Variants in DLG2 observed in about 807,000 individuals in gnomAD.
DLG2 encodes discs large MAGUK scaffold protein 2.
DLG2 carries 45 observed loss-of-function variants against 132.5 expected under a neutral mutation model. The observed-to-expected ratio is 0.34, with a 90% CI of 0.27 to 0.44. The LOEUF (loss-of-function observed/expected upper bound fraction) is 0.44, where lower values mean the gene tolerates loss of function less well. Ranked by LOEUF, DLG2 falls within the 20% of genes least tolerant of loss-of-function variation. DLG2 has a pLI of 1.00. For synonymous variants in DLG2, 424 were observed against 419.6 expected, an observed-to-expected ratio of 1.01 and a Z score of -0.13; for missense variants, 1,045 against 1,196.9, an observed-to-expected ratio of 0.87 and a Z score of 1.87.
chr11:85,260,476 G>C (rs747541642), intron 4 of DLG2, among the ~76,000 whole-genome samples: 2 of 152,128 alleles, frequency 1.3e-5, no homozygotes, highest in Non-Finnish European at 2.9e-5. Flanking sequence ...AAGTTTCAAG[G>C]CTCCATGGTC....
intron 21 of DLG2, among the ~76,000 whole-genome samples, chr11:83,484,641 C>T (rs1365678051): frequency 6.6e-6 from 1 of 152,096 alleles, no homozygotes; most frequent in Non-Finnish European, 1.5e-5. Flanking sequence ...CGTTGTGAGA[C>T]TCACAAAAGA....
chr11:83,741,462 G>T (rs1456849441), intron 18 of DLG2, among the ~76,000 whole-genome samples: 1 of 152,050 alleles, frequency 6.6e-6, no homozygotes, highest in East Asian at 1.9e-4. Context: ...AAAGTTTCAG[G>T]ATACAAAATT....
chr11:85,029,009 C>T (rs1449162679), intron 6 of DLG2, among the ~76,000 whole-genome samples: 1 of 152,164 alleles, frequency 6.6e-6, no homozygotes, highest in Non-Finnish European at 1.5e-5. Context: ...AATATTTATC[C>T]TTTTAACTTA....
intron 7 of DLG2, among the ~76,000 whole-genome samples, chr11:84,273,688 C>T (rs913460884): frequency 2.6e-5 from 4 of 152,074 alleles, no homozygotes; most frequent in African/African-American, 2.4e-5. Flanking sequence ...TGAAGGGAGT[C>T]GGTTATATAC....
At chr11:83,513,155 T>A (rs1028651704) in intron 21 of DLG2, among the ~76,000 whole-genome samples, 4 of 152,232 alleles carry the variant, frequency 2.6e-5, no homozygotes, top group African/African-American at 9.6e-5. Context: ...ACCAGCAGTG[T>A]AAAAGTGTTC....
chr11:83,930,513 G>A, intron 14 of DLG2, 30 bp from the exon 15 acceptor site: 2 of 1,610,198 alleles, frequency 1.2e-6, no homozygotes, highest in Non-Finnish European at 1.7e-6. Flanking sequence ...AGAAAGATAT[G>A]CATGGTTAGT....
chr11:85,489,639 C>T (rs2093512118), intron 3 of DLG2, among the ~76,000 whole-genome samples: 1 of 152,080 alleles, frequency 6.6e-6, no homozygotes, highest in Non-Finnish European at 1.5e-5. Flanking sequence ...TAAGATGAAC[C>T]ATATGTTAGG....
intron 6 of DLG2, among the ~76,000 whole-genome samples, chr11:85,054,122 G>A (rs543252604): frequency 6.6e-6 from 1 of 151,796 alleles, no homozygotes; most frequent in East Asian, 2.0e-4. Context: ...AAATTTAGCT[G>A]GGTGTGCTGG....
chr11:84,536,311 C>A (rs496322), intron 6 of DLG2, among the ~76,000 whole-genome samples: 4 of 151,870 alleles, frequency 2.6e-5, no homozygotes, highest in South Asian at 4.2e-4. Flanking sequence ...AGACCCTATC[C>A]AGATCATTGC....
intron 8 of DLG2, among the ~76,000 whole-genome samples, chr11:84,204,331 AAT>A: frequency 6.6e-6 from 1 of 152,342 alleles, no homozygotes; most frequent in East Asian, 1.9e-4. Flanking sequence ...AAAAAATAGA[AAT>A]AGAGAAATAC....
chr11:84,055,996 ATT>A (rs993934234), intron 11 of DLG2, among the ~76,000 whole-genome samples: 4 of 152,096 alleles, frequency 2.6e-5, no homozygotes, highest in African/African-American at 9.7e-5. Context: ...AGTTGGCTAC[ATT>A]TTTGATGCTT....
chr11:83,458,573 T>C lies in DLG2; in HGVS notation c.*1245A>G, dbSNP rs144977727. On this transcript the variant is annotated 3_prime_UTR_variant, in exon 28 of 28. Transcript: ENST00000376104. ...TTGGCTCTAGTACCATCTCTGGATG[T>C]TACAAAACTCTCAGTTACTCTGTAA... The C allele has an allele frequency of 1.3e-3, 205 of 152,612 alleles. 1 individual carries two copies. The highest frequency in any genetic ancestry group is 2.4e-3 in the Non-Finnish European group (164 of 68,032). 9.5% of individuals were successfully genotyped at this position (152,612 alleles called of 1,614,324 possible).
chr11:83,809,081 A>T lies in DLG2; in HGVS notation c.1723-22289T>A, dbSNP rs551377846. 1.2e-3 allele frequency among the ~76,000 whole-genome samples: 180 copies of T among 151,830 alleles called. 1 individual carries two copies. The highest frequency in any genetic ancestry group is 0.01 in the Middle Eastern group (3 of 292). On this transcript the variant is annotated intron_variant, in intron 17 of 27. Coordinates refer to ENST00000376104, the MANE Select transcript of DLG2 (RefSeq NM_001142699.3). ...CATCCTCTCTTCTCTTCTCTGGTTG[A>T]TTTATCGTGCTTTATTGGGAAGACA...
At chr11:85,378,565 T>G (rs912491438) in intron 3 of DLG2, among the ~76,000 whole-genome samples, 2 of 152,118 alleles carry the variant, frequency 1.3e-5, no homozygotes, top group African/African-American at 4.8e-5. Flanking sequence ...AATATATATA[T>G]AGATAGATGT....
At chr11:83,815,877 G>C (rs893792925) in intron 17 of DLG2, among the ~76,000 whole-genome samples, 1 of 152,118 alleles carries the variant, frequency 6.6e-6, no homozygotes, top group African/African-American at 2.4e-5. Context: ...ATACAAACAA[G>C]TATTCTCTTC....
chr11:84,469,629 A>T (rs2099103495), intron 7 of DLG2, among the ~76,000 whole-genome samples: 1 of 151,628 alleles, frequency 6.6e-6, no homozygotes, highest in Admixed American at 6.6e-5. Context: ...AGATTGCTGT[A>T]GCAAAATGAT....
intron 7 of DLG2, among the ~76,000 whole-genome samples, chr11:84,321,605 T>G (rs1271581434): frequency 6.6e-6 from 1 of 152,092 alleles, no homozygotes; most frequent in Non-Finnish European, 1.5e-5. Flanking sequence ...GATGTTCTTT[T>G]CCCCACTTCA....
At chr11:84,098,044 T>TTTTTTTTTTC (rs2097190620) in intron 10 of DLG2, among the ~76,000 whole-genome samples, 2 of 149,656 alleles carry the variant, frequency 1.3e-5, no homozygotes, top group Non-Finnish European at 3.0e-5. Context: ...CCTTTTTTTT[T>TTTTTTTTTTC]TTTTTTTTCT....
intron 14 of DLG2, among the ~76,000 whole-genome samples, chr11:83,954,107 T>C (rs757496434): frequency 4.6e-5 from 7 of 152,230 alleles, no homozygotes; most frequent in South Asian, 2.1e-4. Flanking sequence ...CATGAGCACA[T>C]AGGAAATGAT....
Sources: gnomAD v4.1 joint callset for allele counts (sites outside exome capture counted in the v4.1 genomes callset) on GRCh38, gnomAD v4.1.1 for gene constraint, MANE v1.5 for transcripts, NCBI Gene and HGNC (gene_info 2026-07-23, HGNC 2026-07-21) for gene names.